The following DMD variants were observed in gnomAD, a reference collection of about 807,000 sequenced individuals.
DMD encodes the protein mutant dystrophin.
DMD carries 63 observed loss-of-function variants against 330.1 expected under a neutral mutation model. That is an observed-to-expected ratio of 0.19 (90% CI 0.16 to 0.24). The LOEUF (loss-of-function observed/expected upper bound fraction) is 0.24, where lower values mean the gene tolerates loss of function less well. Ranked by LOEUF, DMD falls within the 10% of genes least tolerant of loss-of-function variation. The pLI is 1.00. For synonymous variants in DMD, 1,223 were observed against 959.8 expected (o/e 1.27, Z -5.07); for missense variants, 3,344 against 2,684.1 (o/e 1.25, Z -5.43).
intron 43 of DMD, among the ~76,000 whole-genome samples, chrX:32,260,004 A>G (rs2097315335): frequency 2.7e-5 from 3 of 111,336 alleles, no homozygotes; most frequent in Admixed American, 1.9e-4. Flanking sequence ...CTCTGTCCCA[A>G]AATTTTTTGT....
chrX:31,413,929 A>G (rs180986706), intron 60 of DMD, among the ~76,000 whole-genome samples: 6 of 111,408 alleles, frequency 5.4e-5, no homozygotes, highest in African/African-American at 1.9e-4. Context: ...AGTGAATATT[A>G]AAGTCTAAAA....
rs72468697 is a variant in DMD, at chrX:32,596,001, T to C, written c.1483-125A>G. ...CAGGTACTCCCATTTTTTATTAACC[T>C]AAAACCATTCCAAGCCAATTTTCTG... On this transcript the variant is annotated intron_variant, in intron 12 of 78. Coordinates refer to ENST00000357033, the MANE Select transcript of DMD (RefSeq NM_004006.3). The C allele has an allele frequency of 4.3e-3, 2,633 of 615,013 alleles. 6 individuals are homozygous for C. Among genetic ancestry groups the C allele is most frequent in the Non-Finnish European group, 5.6e-3 (2,138 of 383,212 alleles). 50.7% of individuals were successfully genotyped at this position (615,013 alleles called of 1,213,427 possible). A position where few individuals can be genotyped will look rare whatever the true frequency, so the allele number is the denominator to read the frequency against.
intron 45 of DMD, among the ~76,000 whole-genome samples, chrX:31,965,842 C>T (rs1175263701): frequency 1.8e-5 from 2 of 111,896 alleles, no homozygotes; most frequent in East Asian, 2.8e-4. Flanking sequence ...TAAACTGCAT[C>T]GCTAACTGAC....
chrX:32,229,147 G>GA lies in DMD; in HGVS notation c.6291-12085dup, dbSNP rs772582763. 1.8e-4 allele frequency among the ~76,000 whole-genome samples: 20 copies of GA among 110,572 alleles called. No individual in the cohort carries two copies. In the East Asian group the frequency reaches 5.1e-3, roughly 28 times the overall value. On this transcript the variant is annotated intron_variant, in intron 43 of 78. Coordinates refer to ENST00000357033, the MANE Select transcript of DMD (RefSeq NM_004006.3). ...AAACACTGTATTAGCTTGTGAAAGA[G>GA]AAAAAATCCTACTTCTCCTATAATA...
At chrX:31,889,502 C>G (rs2094203206) in intron 47 of DMD, among the ~76,000 whole-genome samples, 2 of 110,164 alleles carry the variant, frequency 1.8e-5, no homozygotes. Flanking sequence ...TTATACCCAT[C>G]TAACTATCCA....
rs750606186 is a variant in DMD at position 32,573,539 on chromosome X, T to G, written c.1803A>C (p.Gln601His). 4 of 1,209,995 alleles carry G rather than the reference T, an allele frequency of 3.3e-6. 1 individual carries two copies. In the South Asian group the frequency reaches 7.0e-5, roughly 21 times the overall value. ...GCTAGAAAGTACATACGGCCAGTTT[T>G]TGAAGACTTGATAACATTTCATTTT... ...KDQNEMLSSL[Q>H]KLAVLKADLE... Residue 601 changes from glutamine to histidine, a missense_variant, in exon 15 of 79, where the codon CAA (glutamine) becomes CAC (histidine). Physicochemically the swap from Gln to His is conservative, Grantham distance 24. Transcript: ENST00000357033.
intron 50 of DMD, among the ~76,000 whole-genome samples, chrX:31,810,119 C>G (rs2092415308): frequency 9.0e-6 from 1 of 111,459 alleles, no homozygotes; most frequent in African/African-American, 3.3e-5. Context: ...GCTAGACACA[C>G]CTGGTATTTG....
intron 29 of DMD, among the ~76,000 whole-genome samples, chrX:32,429,463 C>T (rs371467546): frequency 2.1e-5 from 2 of 95,789 alleles, no homozygotes; most frequent in East Asian, 6.6e-4. Flanking sequence ...GGTCTGCCTG[C>T]CTTGGCCTCC....
intron 60 of DMD, among the ~76,000 whole-genome samples, chrX:31,404,229 T>C (rs2061319564): frequency 9.0e-6 from 1 of 111,303 alleles, no homozygotes; most frequent in South Asian, 3.7e-4. Flanking sequence ...GGTGCACATA[T>C]ATGATTTTTC....
intron 7 of DMD, among the ~76,000 whole-genome samples, chrX:32,755,495 C>T (rs896691503): frequency 1.8e-5 from 2 of 111,579 alleles, no homozygotes; most frequent in Admixed American, 1.9e-4. Context: ...TCCCTGTGGG[C>T]AGGTAATGTG....
At chrX:32,100,497 G>A (rs191841841) in intron 44 of DMD, among the ~76,000 whole-genome samples, 1 of 109,453 alleles carries the variant, frequency 9.1e-6, no homozygotes, top group African/African-American at 3.3e-5. Flanking sequence ...TGTTTTCATC[G>A]CTTCTTCCTC....
intron 55 of DMD, among the ~76,000 whole-genome samples, chrX:31,513,322 T>C (rs1216236630): frequency 9.5e-6 from 1 of 105,658 alleles, no homozygotes; most frequent in Non-Finnish European, 1.9e-5. Context: ...TTGAATACCC[T>C]TTATTTCCTT....
At chrX:31,628,884 A>C (rs2078986059) in intron 54 of DMD, among the ~76,000 whole-genome samples, 2 of 102,563 alleles carry the variant, frequency 2.0e-5, no homozygotes, top group South Asian at 8.9e-4. Context: ...TTTCATGACA[A>C]AAACTCTAAA....
intron 55 of DMD, among the ~76,000 whole-genome samples, chrX:31,602,927 G>A (rs773890159): frequency 3.6e-5 from 4 of 111,726 alleles, no homozygotes; most frequent in Non-Finnish European, 5.7e-5. Context: ...ATACATTCAC[G>A]CTCCAGCCAT....
intron 48 of DMD, among the ~76,000 whole-genome samples, chrX:31,849,865 C>T (rs1279919887): frequency 2.7e-5 from 3 of 110,732 alleles, no homozygotes. Context: ...AAAATGACAA[C>T]TTTTTTGTAA....
intron 18 of DMD, chrX:32,517,024 AATATAT>A (rs750538160): frequency 9.0e-6 from 1 of 110,957 alleles, no homozygotes; most frequent in African/African-American, 3.3e-5. Context: ...TTTTTTCCAG[AATATAT>A]ATATATCTTT....
At chrX:31,452,916 G>A (rs1239851980) in intron 59 of DMD, among the ~76,000 whole-genome samples, 5 of 111,763 alleles carry the variant, frequency 4.5e-5, no homozygotes, top group Non-Finnish European at 9.4e-5. Context: ...AACATAGCAG[G>A]AGCAATTGAT....
intron 49 of DMD, 142 bp downstream of exon 49, chrX:31,836,576 G>A (rs1256890921): frequency 3.0e-5 from 16 of 527,883 alleles, no homozygotes; most frequent in Non-Finnish European, 3.4e-5. Context: ...AGACAGCTTT[G>A]CCTCTGCTAT....
intron 60 of DMD, among the ~76,000 whole-genome samples, chrX:31,443,480 T>G (rs1275958971): frequency 9.0e-6 from 1 of 111,684 alleles, no homozygotes; most frequent in Non-Finnish European, 1.9e-5. Context: ...TCCCGAGCAC[T>G]TTCCATTTAT....
Sources: allele counts gnomAD v4.1 joint callset (sites outside exome capture counted in the v4.1 genomes callset), GRCh38; gene constraint gnomAD v4.1.1; transcripts MANE v1.5; gene names NCBI Gene and HGNC (gene_info 2026-07-23, HGNC 2026-07-21).